FILIP1L: variants seen among roughly 807,000 people sequenced by gnomAD.
FILIP1L encodes filamin A interacting protein 1 like, also known as filamin A-interacting protein 1-like.
FILIP1L carries 55 observed loss-of-function variants against 96.6 expected under a neutral mutation model. The ratio of observed to expected loss-of-function variants is 0.57; its 90% CI spans 0.46 to 0.71. The LOEUF (loss-of-function observed/expected upper bound fraction) is 0.71, where lower values mean the gene tolerates loss of function less well. Ranked by LOEUF, FILIP1L falls within the 30% of genes least tolerant of loss-of-function variation. FILIP1L has a pLI of 0.00. For missense variants in FILIP1L, 1,304 were observed against 1,321.2 expected (o/e 0.99, Z 0.20); for synonymous variants, 467 against 473.9 (o/e 0.99, Z 0.19).
At chr3:99,925,779 G>A in intron 3 of FILIP1L, 1 of 879,350 alleles carries the variant, frequency 1.1e-6, no homozygotes, top group Non-Finnish European at 1.4e-6. Context: ...ACCTCATAAA[G>A]GAAGAACCAG....
Position 99,851,037 on chromosome 3 carries a change from A to G in FILIP1L, c.639T>C (p.Ser213=). The change falls in exon 5 of 6, where the codon TCT becomes TCC. Residue 213 remains serine, a synonymous_variant. Coordinates refer to ENST00000477258, the MANE Select transcript of FILIP1L (RefSeq NM_001387850.1). The part of the protein sequence containing the change: ...LKKLIDQEIK[S]QEEKEQEKEK... ...CCTTTTCTTGCTCCTTCTCCTCCTG[A>G]GACTTGATTTCTTGATCAATTAGCT... is the stretch of plus-strand genomic sequence containing the variant. 6.3e-7 allele frequency: 1 copy of G among 1,597,634 alleles called. No homozygotes were observed. The highest frequency in any genetic ancestry group is 8.5e-7 in the Non-Finnish European group (1 of 1,175,574).
intron 4 of FILIP1L, among the ~76,000 whole-genome samples, chr3:99,881,780 G>T (rs898797042): frequency 6.6e-6 from 1 of 152,056 alleles, no homozygotes; most frequent in Non-Finnish European, 1.5e-5. Context: ...TGATCTGCCC[G>T]CCTCGGCCTT....
intron 1 of FILIP1L, among the ~76,000 whole-genome samples, chr3:100,107,895 A>G (rs1397930004): frequency 6.7e-6 from 1 of 149,174 alleles, no homozygotes; most frequent in African/African-American, 2.4e-5. Context: ...AAAAAAAAAA[A>G]GTTACTTGCT....
At chr3:100,087,773 T>C (rs1036563808) in intron 1 of FILIP1L, among the ~76,000 whole-genome samples, 1 of 152,006 alleles carries the variant, frequency 6.6e-6, no homozygotes, top group African/African-American at 2.4e-5. Context: ...CTTCTGGTAT[T>C]GTACCTAAGG....
At chr3:99,999,765 G>T (rs750348432) in intron 1 of FILIP1L, among the ~76,000 whole-genome samples, 1 of 152,122 alleles carries the variant, frequency 6.6e-6, no homozygotes, top group African/African-American at 2.4e-5. Context: ...TTGCTCAATG[G>T]CAAGGGGAGA....
intron 4 of FILIP1L, among the ~76,000 whole-genome samples, chr3:99,908,678 C>T (rs1180253922): frequency 1.3e-5 from 2 of 152,100 alleles, no homozygotes; most frequent in Admixed American, 1.3e-4. Context: ...AATAATATTA[C>T]CTCCTTTAAA....
intron 1 of FILIP1L, among the ~76,000 whole-genome samples, chr3:99,994,795 A>G (rs1340771715): frequency 6.6e-6 from 1 of 152,178 alleles, no homozygotes; most frequent in African/African-American, 2.4e-5. Flanking sequence ...GGAAGATGCA[A>G]AAGCAGAAAC....
intron 1 of FILIP1L, among the ~76,000 whole-genome samples, chr3:100,042,175 G>C (rs2065216196): frequency 6.6e-6 from 1 of 152,178 alleles, no homozygotes; most frequent in South Asian, 2.1e-4. Flanking sequence ...GGCAAAAATT[G>C]TGGCAGTAGA....
intron 1 of FILIP1L, chr3:100,023,328 C>G (rs961844745): frequency 6.6e-6 from 1 of 152,586 alleles, no homozygotes; most frequent in Admixed American, 6.5e-5. Context: ...GAGCCTGGCT[C>G]TCAAGAGACA....
intron 4 of FILIP1L, among the ~76,000 whole-genome samples, chr3:99,884,410 G>A (rs1171776126): frequency 6.6e-6 from 1 of 152,102 alleles, no homozygotes; most frequent in Non-Finnish European, 1.5e-5. Flanking sequence ...CTGTTATCTT[G>A]TTAGATTATG....
chr3:99,841,264 T>C (rs548682637), intron 5 of FILIP1L, among the ~76,000 whole-genome samples: 4 of 152,400 alleles, frequency 2.6e-5, no homozygotes, highest in Admixed American at 1.3e-4. Flanking sequence ...TTTGTGTTAA[T>C]ACATTGTACC....
At chr3:100,104,387 A>G (rs1469313947) in intron 1 of FILIP1L, among the ~76,000 whole-genome samples, 1 of 152,204 alleles carries the variant, frequency 6.6e-6, no homozygotes, top group Non-Finnish European at 1.5e-5. Context: ...ACTCTGAGCT[A>G]CACTTTTTTT....
chr3:99,976,065 A>G (rs190035710), intron 1 of FILIP1L, among the ~76,000 whole-genome samples: 21 of 151,950 alleles, frequency 1.4e-4, no homozygotes, highest in African/African-American at 4.8e-4. Context: ...TTGTATTTTT[A>G]GTAGAGACGA....
rs534702049 is a variant in FILIP1L, at chr3:100,085,709, T to C, written c.-11+28344A>G. On this transcript the variant is annotated intron_variant, in intron 1 of 5. Transcript: ENST00000477258. ...CTGAAGTACTCTTCAGCCACTGCAGTGTTCTGTCATTTTTGTCTGTCATCT... is the reference window on the plus strand; with the variant it reads ...CTGAAGTACTCTTCAGCCACTGCAGCGTTCTGTCATTTTTGTCTGTCATCT... 3.5e-4 allele frequency among the ~76,000 whole-genome samples: 54 copies of C among 152,282 alleles called. No homozygotes were observed. In the South Asian group the frequency reaches 0.011, roughly 32 times the overall value.
chr3:99,877,723 C>T (rs1400374907), intron 4 of FILIP1L, among the ~76,000 whole-genome samples: 1 of 152,136 alleles, frequency 6.6e-6, no homozygotes, highest in African/African-American at 2.4e-5. Context: ...CTGTGCTTAC[C>T]TCATACTTAT....
chr3:99,852,173 G>A (rs922043616), intron 4 of FILIP1L, among the ~76,000 whole-genome samples: 34 of 152,122 alleles, frequency 2.2e-4, no homozygotes, highest in Non-Finnish European at 4.4e-5. Context: ...ATTATACTGC[G>A]AATGGGCTGA....
rs575770441 is a variant in FILIP1L, at chr3:99,893,215, G to C, written c.605+31015C>G. Among the ~76,000 whole-genome samples, 8 of 149,270 alleles carry C rather than the reference G, an allele frequency of 5.4e-5. No individual in the cohort carries two copies. In the East Asian group the frequency reaches 1.6e-3, roughly 29 times the overall value. Reference sequence around the variant, plus strand: ...GAGTCTCACTCTGTTGCCCAGGCTGGAGTGCAGTGGCGCAATCTCGGCTCA... The same window carrying C: ...GAGTCTCACTCTGTTGCCCAGGCTGCAGTGCAGTGGCGCAATCTCGGCTCA... On this transcript the variant is annotated intron_variant, in intron 4 of 5. Coordinates refer to ENST00000477258, the MANE Select transcript of FILIP1L (RefSeq NM_001387850.1).
At chr3:99,906,977 T>C (rs918035278) in intron 4 of FILIP1L, among the ~76,000 whole-genome samples, 1 of 152,132 alleles carries the variant, frequency 6.6e-6, no homozygotes, top group South Asian at 2.1e-4. Flanking sequence ...TAAGTTTATT[T>C]AAATAATATT....
intron 1 of FILIP1L, among the ~76,000 whole-genome samples, chr3:99,986,717 A>G (rs1221831115): frequency 6.6e-6 from 1 of 152,168 alleles, no homozygotes; most frequent in Non-Finnish European, 1.5e-5. Context: ...CCTCTAGTCT[A>G]GTGGCCCTAA....
Sources: gnomAD v4.1 joint callset for allele counts (sites outside exome capture counted in the v4.1 genomes callset) on GRCh38, gnomAD v4.1.1 for gene constraint, MANE v1.5 for transcripts, NCBI Gene and HGNC (gene_info 2026-07-23, HGNC 2026-07-21) for gene names.